Variants in ADRA2C observed in about 807,000 individuals in gnomAD.
ADRA2C encodes the protein alpha-2C adrenergic receptor.
ADRA2C carries 4 observed loss-of-function variants against 7.9 expected under a neutral mutation model. The observed-to-expected ratio is 0.51, with a 90% CI of 0.25 to 1.16. ADRA2C has a LOEUF of 1.16. Ranked by LOEUF, ADRA2C falls within the 50% of genes most tolerant of loss-of-function variation. The probability of loss-of-function intolerance (pLI) is 0.15; values close to 1 mark genes in which losing one functional copy is unlikely to be tolerated. For missense variants in ADRA2C, 589 were observed against 677.7 expected, an observed-to-expected ratio of 0.87 and a Z score of 1.45; for synonymous variants, 368 against 328.9, an observed-to-expected ratio of 1.12 and a Z score of -1.29.
rs1469297978 is a variant in ADRA2C at position 3,767,317 on chromosome 4, C to A, written c.711C>A (p.Ala237=). The change falls in exon 1 of 1, where the codon GCC becomes GCA. Residue 237 remains alanine (A), a synonymous_variant. Coordinates refer to ENST00000330055, the MANE Select transcript of ADRA2C (RefSeq NM_000683.4). ...GLVYARIYRV[A]KLRTRTLSEK... is the part of the protein sequence containing the mutation. ...TCTACGCGCGCATCTACCGAGTGGCCAAGCTGCGCACGCGCACGCTCAGCG... is the reference window on the plus strand; with the variant it reads ...TCTACGCGCGCATCTACCGAGTGGCAAAGCTGCGCACGCGCACGCTCAGCG... 6.3e-7 allele frequency: 1 copy of A among 1,583,172 alleles called. No homozygotes were observed. Among genetic ancestry groups the A allele is most frequent in the East Asian group, 2.3e-5 (1 of 43,044 alleles).
Position 3,766,512 on chromosome 4 carries a change from G to C in ADRA2C, c.-95G>C, listed in dbSNP as rs1735429144. On this transcript the variant is annotated 5_prime_UTR_variant, in exon 1 of 1. Transcript: ENST00000330055. This position sits in a 1 kb window ranked among gnomAD's most constrained non-coding sequence, Gnocchi z 4.5. Reference sequence around the variant, plus strand: ...CCCGGCGGGCGCGCCCGAGCAGCAGGCGGCGATGCGGGCGCCGACCCCGGC... The same window carrying C: ...CCCGGCGGGCGCGCCCGAGCAGCAGCCGGCGATGCGGGCGCCGACCCCGGC... 6 of 912,406 alleles carry C rather than the reference G, an allele frequency of 6.6e-6. 1 individual carries two copies. The South Asian group carries it at 2.5e-4, about 38-fold the overall frequency. 56.5% of individuals were successfully genotyped at this position (912,406 alleles called of 1,614,324 possible).
In ADRA2C at chr4:3,768,086, G is replaced by GGAGCTTTCCCAGAGACCCGGT. The variant is rs1260632169; in HGVS notation, c.*93_*94insGCTTTCCCAGAGACCCGGTGA. 6 of 1,182,770 alleles carry GGAGCTTTCCCAGAGACCCGGT rather than the reference G, an allele frequency of 5.1e-6. No homozygotes were observed. Among genetic ancestry groups the GGAGCTTTCCCAGAGACCCGGT allele is most frequent in the Non-Finnish European group, 7.2e-6 (6 of 828,876 alleles). The allele number at this position is 1,182,770 out of a possible 1,614,324, so 73.3% of individuals were successfully genotyped here. ...CGGGGGAGCTTTCCCAGAGACCCGG[G>GGAGCTTTCCCAGAGACCCGGT]GATGGATTGGCCTCCAGGGCGCAGG... is the stretch of plus-strand genomic sequence containing the variant. On this transcript the variant is annotated 3_prime_UTR_variant, in exon 1 of 1. Coordinates refer to ENST00000330055, the MANE Select transcript of ADRA2C (RefSeq NM_000683.4).
chr4:3,767,868 T>G lies in ADRA2C; in HGVS notation c.1262T>G (p.Phe421Cys), dbSNP rs1378090790. The G allele has an allele frequency of 1.2e-6, 2 of 1,612,896 alleles. No homozygotes were observed. The highest frequency in any genetic ancestry group is 3.3e-5 in the Admixed American group (2 of 59,998). Residue 421 changes from phenylalanine to cysteine, a missense_variant, in exon 1 of 1, where the codon TTC becomes TGC. By Grantham distance (205) the Phe-to-Cys change is radical. Coordinates refer to ENST00000330055, the MANE Select transcript of ADRA2C (RefSeq NM_000683.4). Reference protein sequence around the residue: ...ACQVPGPLFKFFFWIGYCNSS... With the variant: ...ACQVPGPLFKCFFWIGYCNSS... ...CAGGTGCCCGGCCCGCTCTTCAAGT[T>G]CTTCTTCTGGATCGGCTACTGCAAC...
rs771319012 is a variant in ADRA2C, at chr4:3,767,630, G to A, written c.1024G>A (p.Gly342Ser). The A allele has an allele frequency of 6.6e-6, 9 of 1,365,656 alleles. No individual in the cohort carries two copies. Among genetic ancestry groups the A allele is most frequent in the Admixed American group, 8.0e-5 (2 of 25,038 alleles). 84.6% of individuals were successfully genotyped at this position (1,365,656 alleles called of 1,614,324 possible). Residue 342 changes from glycine (G) to serine (S), a missense_variant, in exon 1 of 1, where the codon GGT (glycine) becomes AGT (serine). Coordinates refer to ENST00000330055, the MANE Select transcript of ADRA2C (RefSeq NM_000683.4). ...GACCGCCTCCAGGTCCCCGGGGCCC[G>A]GTGGCCGCCTGTCGCGCGCCAGCTC... ...ALTASRSPGP[G>S]GRLSRASSRS...
chr4:3,767,011 C>T lies in ADRA2C; in HGVS notation c.405C>T (p.Cys135=), dbSNP rs752506284. The T allele has an allele frequency of 4.7e-5, 75 of 1,611,240 alleles. No homozygotes were observed. The East Asian group carries it at 1.6e-3, about 34-fold the overall frequency. ...ACCTGGCGCTCGATGTGCTGTTTTG[C>T]ACCTCGTCGATCGTGCATCTGTGTG... ...GVYLALDVLF[C]TSSIVHLCAI... Residue 135 remains cysteine, a synonymous_variant, in exon 1 of 1, where the codon TGC becomes TGT. Coordinates refer to ENST00000330055, the MANE Select transcript of ADRA2C (RefSeq NM_000683.4).
Position 3,767,180 on chromosome 4 carries a change from C to G in ADRA2C, c.574C>G (p.Arg192Gly), listed in dbSNP as rs749478380. 3.1e-6 allele frequency: 5 copies of G among 1,610,002 alleles called. No individual in the cohort carries two copies. Among genetic ancestry groups the G allele is most frequent in the South Asian group, 2.2e-5 (2 of 90,980 alleles). ...ISFPPLVSLY[R>G]QPDGAAYPQC... ...CTTCCCGCCGCTGGTCTCGCTCTACCGCCAGCCCGACGGCGCCGCCTACCC... is the reference window on the plus strand; with the variant it reads ...CTTCCCGCCGCTGGTCTCGCTCTACGGCCAGCCCGACGGCGCCGCCTACCC... The change falls in exon 1 of 1, where the codon CGC becomes GGC. Residue 192 changes from arginine to glycine, a missense_variant. Physicochemically the swap from Arg to Gly is moderately radical, Grantham distance 125. Transcript: ENST00000330055.
Position 3,767,599 on chromosome 4 carries a change from G to A in ADRA2C, c.993G>A (p.Gly331=), listed in dbSNP as rs576929250. The change falls in exon 1 of 1, where the codon GGG becomes GGA. Residue 331 remains glycine, a synonymous_variant. Coordinates refer to ENST00000330055, the MANE Select transcript of ADRA2C (RefSeq NM_000683.4). The stretch of plus-strand genomic sequence containing the variant: ...CGGGGCCGGGGGCGGCTGAGTCGGG[G>A]GCGCTGACCGCCTCCAGGTCCCCGG... ...QGAGPGAAES[G]ALTASRSPGP... is the part of the protein sequence containing the mutation. The A allele has an allele frequency of 3.0e-5, 39 of 1,292,226 alleles. No homozygotes were observed. The African/African-American group carries it at 5.6e-4, about 19-fold the overall frequency. 80.0% of individuals were successfully genotyped at this position (1,292,226 alleles called of 1,614,324 possible).
rs1735485065 is a variant in ADRA2C, at chr4:3,767,665, C to T, written c.1059C>T (p.Val353=). ...TGTCGCGCGCCAGCTCGCGCTCCGT[C>T]GAGTTCTTCCTGTCGCGCCGGCGCC... ...GRLSRASSRS[V]EFFLSRRRRA... Residue 353 remains valine, a synonymous_variant, in exon 1 of 1, where the codon GTC becomes GTT. Transcript: ENST00000330055. The T allele has an allele frequency of 1.9e-6, 3 of 1,551,932 alleles. No individual in the cohort carries two copies. The highest frequency in any genetic ancestry group is 2.6e-6 in the Non-Finnish European group (3 of 1,152,630).
Position 3,767,812 on chromosome 4 carries a change from C to T in ADRA2C, c.1206C>T (p.Tyr402=). The T allele has an allele frequency of 1.2e-6, 2 of 1,613,286 alleles. No individual in the cohort carries two copies. The highest frequency in any genetic ancestry group is 2.2e-5 in the East Asian group (1 of 44,878). ...VLCWFPFFFS[Y]SLYGICREAC... ...GCTGGTTCCCCTTCTTCTTCAGCTA[C>T]AGCCTGTACGGCATCTGCCGCGAGG... Residue 402 remains tyrosine, a synonymous_variant, in exon 1 of 1, where the codon TAC becomes TAT. Coordinates refer to ENST00000330055, the MANE Select transcript of ADRA2C (RefSeq NM_000683.4).
At position 3,767,297 on chromosome 4, in the gene ADRA2C, G is replaced by A; in HGVS notation, c.691G>A (p.Ala231Thr). ...CTGCCTCATCATGGGCCTGGTCTAC[G>A]CGCGCATCTACCGAGTGGCCAAGCT... is the stretch of plus-strand genomic sequence containing the variant. ...APCLIMGLVY[A>T]RIYRVAKLRT... Residue 231 changes from alanine (A) to threonine (T), a missense_variant, in exon 1 of 1, where the codon GCG becomes ACG. Coordinates refer to ENST00000330055, the MANE Select transcript of ADRA2C (RefSeq NM_000683.4). 6.3e-7 allele frequency: 1 copy of A among 1,597,368 alleles called. No individual in the cohort carries two copies. Among genetic ancestry groups the A allele is most frequent in the Non-Finnish European group, 8.5e-7 (1 of 1,173,186 alleles).
Position 3,768,213 on chromosome 4 carries a change from G to T in ADRA2C, c.*218G>T. 1 of 721,476 alleles carries T rather than the reference G, an allele frequency of 1.4e-6. No individual in the cohort carries two copies. The highest frequency in any genetic ancestry group is 2.6e-6 in the Non-Finnish European group (1 of 389,334). The allele number at this position is 721,476 out of a possible 1,614,324, so 44.7% of individuals were successfully genotyped here. The stretch of plus-strand genomic sequence containing the variant: ...CCTTTGCCTTCCCCCCTCAGCAAGG[G>T]GCTGCTTCTGGGGCTCCCTGCCTGG... On this transcript the variant is annotated 3_prime_UTR_variant, in exon 1 of 1. Transcript: ENST00000330055.
rs1735455488 is a variant in ADRA2C, at chr4:3,766,886, G to C, written c.280G>C (p.Ala94Pro). 1 of 1,609,174 alleles carries C rather than the reference G, an allele frequency of 6.2e-7. No homozygotes were observed. The highest frequency in any genetic ancestry group is 1.7e-5 in the Admixed American group (1 of 59,600). The stretch of plus-strand genomic sequence containing the variant: ...ACAGAACCTCTTCCTGGTGTCGCTG[G>C]CCTCGGCCGACATCCTGGTGGCCAC... The part of the protein sequence containing the change: ...APQNLFLVSL[A>P]SADILVATLV... Residue 94 changes from alanine to proline, a missense_variant, in exon 1 of 1, where the codon GCC becomes CCC. By Grantham distance (27) the Ala-to-Pro change is conservative. Transcript: ENST00000330055. The surrounding 1 kb of genome is among the most constrained non-coding windows in gnomAD (Gnocchi z 4.5).
chr4:3,768,043 C>A lies in ADRA2C; in HGVS notation c.*48C>A. On this transcript the variant is annotated 3_prime_UTR_variant, in exon 1 of 1. Transcript: ENST00000330055. ...GGACAGCTCCGCGCTCGGGGCTGGG[C>A]AGAAGGGGCGGCCCGGACGGGGGAG... 3 of 448,800 alleles carry A rather than the reference C, an allele frequency of 6.7e-6. No individual in the cohort carries two copies. Among genetic ancestry groups the A allele is most frequent in the Non-Finnish European group, 1.0e-5 (3 of 293,110 alleles). The allele number at this position is 448,800 out of a possible 1,614,324, so 27.8% of individuals were successfully genotyped here. A position where few individuals can be genotyped will look rare whatever the true frequency, so the allele number is the denominator to read the frequency against.
chr4:3,768,395 A>T lies in ADRA2C; in HGVS notation c.*400A>T, dbSNP rs1735508944. On this transcript the variant is annotated 3_prime_UTR_variant, in exon 1 of 1. Coordinates refer to ENST00000330055, the MANE Select transcript of ADRA2C (RefSeq NM_000683.4). The stretch of plus-strand genomic sequence containing the variant: ...CCAAGGGCTGACTTCTCCAGGACCT[A>T]GTCGGGGGGTGGCTGCCAGGGGGCA... 3.1e-6 allele frequency: 2 copies of T among 639,580 alleles called. No homozygotes were observed. Among genetic ancestry groups the T allele is most frequent in the South Asian group, 3.5e-5 (2 of 56,750 alleles). The allele number at this position is 639,580 out of a possible 1,614,324, so 39.6% of individuals were successfully genotyped here.
chr4:3,768,113 G>A lies in ADRA2C; in HGVS notation c.*118G>A, dbSNP rs539627989. 7.5e-4 allele frequency: 230 copies of A among 308,186 alleles called. No homozygotes were observed. The highest frequency in any genetic ancestry group is 8.2e-4 in the Middle Eastern group (1 of 1,226). 19.1% of individuals were successfully genotyped at this position (308,186 alleles called of 1,614,324 possible). Reference sequence around the variant, plus strand: ...ATGGATTGGCCTCCAGGGCGCAGGGGAGGGTGCGGCAGGGCAGGAGCTTGG... The same window carrying A: ...ATGGATTGGCCTCCAGGGCGCAGGGAAGGGTGCGGCAGGGCAGGAGCTTGG... On this transcript the variant is annotated 3_prime_UTR_variant, in exon 1 of 1. Transcript: ENST00000330055.
Position 3,767,465 on chromosome 4 carries a change from G to T in ADRA2C, c.859G>T (p.Glu287Ter), listed in dbSNP as rs1735475384. 3 of 1,458,860 alleles carry T rather than the reference G, an allele frequency of 2.1e-6. No individual in the cohort carries two copies. The allele number at this position is 1,458,860 out of a possible 1,614,324, so 90.4% of individuals were successfully genotyped here. A position where few individuals can be genotyped will look rare whatever the true frequency, so the allele number is the denominator to read the frequency against. The change falls in exon 1 of 1, where the codon GAG becomes TAG. Residue 287 changes from glutamate to a stop codon, truncating the protein, a stop_gained. Coordinates refer to ENST00000330055, the MANE Select transcript of ADRA2C (RefSeq NM_000683.4). LOFTEE classifies it low-confidence loss of function (END_TRUNC). The part of the protein sequence containing the change: ...APPPADVEPD[E>*]SSAAAERRRR... ...CCCGCCCGCCGACGTGGAGCCGGAC[G>T]AGAGCAGCGCAGCGGCCGAGAGGCG... is the stretch of plus-strand genomic sequence containing the variant.
rs1408876734 is a variant in ADRA2C at position 3,766,677 on chromosome 4, G to C, written c.71G>C (p.Gly24Ala). 5 of 1,408,522 alleles carry C rather than the reference G, an allele frequency of 3.5e-6. No homozygotes were observed. In the South Asian group the frequency reaches 7.8e-5, roughly 22 times the overall value. The allele number at this position is 1,408,522 out of a possible 1,614,324, so 87.3% of individuals were successfully genotyped here. Residue 24 changes from glycine (G) to alanine (A), a missense_variant, in exon 1 of 1, where the codon GGC becomes GCC. Coordinates refer to ENST00000330055, the MANE Select transcript of ADRA2C (RefSeq NM_000683.4). This position sits in a 1 kb window ranked among gnomAD's most constrained non-coding sequence, Gnocchi z 4.5. ...GCGGGCCCCAATGCGAGCGGCGCGG[G>C]CGAGAGGGGCAGCGGCGGGGTTGCC... The part of the protein sequence containing the change: ...AAAGPNASGA[G>A]ERGSGGVANA...
At position 3,768,034 on chromosome 4, in the gene ADRA2C, G is replaced by C. The variant is rs772335261; in HGVS notation, c.*39G>C. The stretch of plus-strand genomic sequence containing the variant: ...GGGAATCCTGGACAGCTCCGCGCTC[G>C]GGGCTGGGCAGAAGGGGCGGCCCGG... On this transcript the variant is annotated 3_prime_UTR_variant, in exon 1 of 1. Transcript: ENST00000330055. 40 of 884,502 alleles carry C rather than the reference G, an allele frequency of 4.5e-5. No homozygotes were observed. Among genetic ancestry groups the C allele is most frequent in the Non-Finnish European group, 5.9e-5 (36 of 608,356 alleles). The allele number at this position is 884,502 out of a possible 1,614,324, so 54.8% of individuals were successfully genotyped here. A position where few individuals can be genotyped will look rare whatever the true frequency, so the allele number is the denominator to read the frequency against.
At position 3,768,433 on chromosome 4, in the gene ADRA2C, C is replaced by T. The variant is rs1735509716; in HGVS notation, c.*438C>T. The T allele has an allele frequency of 2.1e-5, 13 of 607,388 alleles. No homozygotes were observed. In the East Asian group the frequency reaches 3.2e-4, roughly 15 times the overall value. 37.6% of individuals were successfully genotyped at this position (607,388 alleles called of 1,614,324 possible). On this transcript the variant is annotated 3_prime_UTR_variant, in exon 1 of 1. Coordinates refer to ENST00000330055, the MANE Select transcript of ADRA2C (RefSeq NM_000683.4). ...CTGCCAGGGGGCAAGGAGAAAGCAC[C>T]GACAATCTTTGATTACTGAAAGTAT...
Sources: gnomAD v4.1 joint callset for allele counts on GRCh38, gnomAD v4.1.1 for gene constraint, Gnocchi (gnomAD v3.1) non-coding constraint, MANE v1.5 for transcripts, NCBI Gene and HGNC (gene_info 2026-07-23, HGNC 2026-07-21) for gene names.